The following PSIP1 variants were observed in gnomAD, a reference collection of about 807,000 sequenced individuals.
The protein encoded by PSIP1 is PC4 and SFRS1-interacting protein.
Under a neutral mutation model 74.7 loss-of-function variants are expected in PSIP1, and 19 were observed. The observed-to-expected ratio is 0.25, with a 90% CI of 0.18 to 0.37. PSIP1 has a LOEUF of 0.37. PSIP1 is among the 10% of genes least tolerant of loss of function. The pLI is 1.00. For missense variants in PSIP1, 601 were observed against 614.3 expected (o/e 0.98, Z 0.23); for synonymous variants, 222 against 195.3 (o/e 1.14, Z -1.14).
intron 4 of PSIP1, among the ~76,000 whole-genome samples, chr9:15,488,889 C>G (rs200383460): frequency 6.6e-6 from 1 of 151,778 alleles, no homozygotes; most frequent in African/African-American, 2.4e-5. Context: ...GGTGTGGTGG[C>G]GGGCACCTGT....
intron 8 of PSIP1, 102 bp downstream of exon 8, chr9:15,478,371 TAACA>T (rs1288241694): frequency 1.1e-4 from 99 of 935,104 alleles, no homozygotes; most frequent in Admixed American, 2.5e-4. Context: ...ATCAAAATAA[TAACA>T]AACATCCTGT....
intron 5 of PSIP1, among the ~76,000 whole-genome samples, chr9:15,486,447 G>A (rs920794158): frequency 1.3e-5 from 2 of 152,136 alleles, no homozygotes; most frequent in African/African-American, 4.8e-5. Flanking sequence ...GGCTAAATGA[G>A]TCATCTTTAC....
At chr9:15,505,079 C>G (rs567406603) in intron 3 of PSIP1, 1 of 151,578 alleles carries the variant, frequency 6.6e-6, no homozygotes, top group Non-Finnish European at 1.5e-5. Flanking sequence ...GCTGGGACCA[C>G]ATGTGTGTGC....
intron 3 of PSIP1, among the ~76,000 whole-genome samples, chr9:15,503,343 G>A (rs2037431596): frequency 6.6e-6 from 1 of 150,878 alleles, no homozygotes; most frequent in Non-Finnish European, 1.5e-5. Flanking sequence ...CTCCAGCCTG[G>A]GCAACAGAGG....
At position 15,464,541 on chromosome 9, in the gene PSIP1, GAATCTAGAA is replaced by G. The variant is rs1313245831; in HGVS notation, c.*970_*978del. 5.0e-6 allele frequency: 1 copy of G among 199,990 alleles called. No individual in the cohort carries two copies. Among genetic ancestry groups the G allele is most frequent in the Non-Finnish European group, 1.0e-5 (1 of 97,332 alleles). 12.4% of individuals were successfully genotyped at this position (199,990 alleles called of 1,614,324 possible). On this transcript the variant is annotated 3_prime_UTR_variant, in exon 16 of 16. Coordinates refer to ENST00000380733, the MANE Select transcript of PSIP1 (RefSeq NM_033222.5). ...GGAACAACTAGTGTTTGTATTTTTGGAATCTAGAAAATAAAAACAATATAGCCATGATTT... is the reference window on the plus strand; with the variant it reads ...GGAACAACTAGTGTTTGTATTTTTGGAATAAAAACAATATAGCCATGATTT...
At chr9:15,472,266 G>A (rs1002245796) in intron 10 of PSIP1, 10 of 999,434 alleles carry the variant, frequency 1.0e-5, no homozygotes, top group South Asian at 9.2e-5. Flanking sequence ...ATGAATAAGG[G>A]CATTTCCTGC....
In PSIP1 at chr9:15,465,114, T is replaced by A; in HGVS notation, c.*406A>T. 1 of 232,156 alleles carries A rather than the reference T, an allele frequency of 4.3e-6. No homozygotes were observed. The highest frequency in any genetic ancestry group is 8.5e-6 in the Non-Finnish European group (1 of 117,592). 14.4% of individuals were successfully genotyped at this position (232,156 alleles called of 1,614,324 possible). On this transcript the variant is annotated 3_prime_UTR_variant, in exon 16 of 16. Coordinates refer to ENST00000380733, the MANE Select transcript of PSIP1 (RefSeq NM_033222.5). ...CACAAACAGTGAAAAGACAGTCTGG[T>A]AAATCCAAGGTTTGTAAAAACTATG...
Position 15,468,123 on chromosome 9 carries a change from T to TA in PSIP1, c.1420+506dup, listed in dbSNP as rs34755757. On this transcript the variant is annotated intron_variant, in intron 14 of 15. Coordinates refer to ENST00000380733, the MANE Select transcript of PSIP1 (RefSeq NM_033222.5). ...ACAACAAGAGCGAAACTCCATCTTT[T>TA]AAAAAAAAAAAAAAAAAAGGACATG... is the stretch of plus-strand genomic sequence containing the variant. Among the ~76,000 whole-genome samples the TA allele has an allele frequency of 6.4e-3, 897 of 140,510 alleles. 10 individuals carry two copies. The highest frequency in any genetic ancestry group is 0.018 in the Middle Eastern group (5 of 276). 92.2% of individuals were successfully genotyped at this position (140,510 alleles called of 152,430 possible). A position where few individuals can be genotyped will look rare whatever the true frequency, so the allele number is the denominator to read the frequency against.
chr9:15,506,769 C>T, intron 2 of PSIP1, 132 bp from the exon 3 acceptor site: 4 of 614,672 alleles, frequency 6.5e-6, no homozygotes, highest in South Asian at 6.6e-5. Context: ...CCATAATCTC[C>T]TATCCCCAAA....
intron 3 of PSIP1, among the ~76,000 whole-genome samples, chr9:15,501,867 A>AT (rs1188842040): frequency 1.1e-4 from 16 of 144,432 alleles, no homozygotes; most frequent in East Asian, 4.2e-4. Context: ...ATATATATAT[A>AT]AAACGCACAC....
At position 15,510,821 on chromosome 9, in the gene PSIP1, C is replaced by G. The variant is rs2037837925; in HGVS notation, c.-146G>C. On this transcript the variant is annotated 5_prime_UTR_variant, in exon 1 of 16. Coordinates refer to ENST00000380733, the MANE Select transcript of PSIP1 (RefSeq NM_033222.5). ...GAGTCCCCGTCGCCCGCTCACCTGC[C>G]GGGGCCGCGGGCGCCGACGCTGCGG... The G allele has an allele frequency of 6.6e-6, 1 of 151,956 alleles. No individual in the cohort carries two copies. Among genetic ancestry groups the G allele is most frequent in the Non-Finnish European group, 1.5e-5 (1 of 67,996 alleles). 9.4% of individuals were successfully genotyped at this position (151,956 alleles called of 1,614,324 possible). A position where few individuals can be genotyped will look rare whatever the true frequency, so the allele number is the denominator to read the frequency against.
At chr9:15,494,331 C>G (rs2036972690) in intron 3 of PSIP1, among the ~76,000 whole-genome samples, 1 of 151,940 alleles carries the variant, frequency 6.6e-6, no homozygotes. Context: ...CTTGGGAGGC[C>G]TAGCAGGGCA....
At position 15,473,917 on chromosome 9, in the gene PSIP1, A is replaced by AC. The variant is rs2035955812; in HGVS notation, c.858+91_858+92insG. ...CTCCATCTCAAACAAAAAAAAAACA[A>AC]AAAAAAAAACAAAAAAAAAACAAAG... On this transcript the variant is annotated intron_variant, in intron 9 of 15. Coordinates refer to ENST00000380733, the MANE Select transcript of PSIP1 (RefSeq NM_033222.5). The AC allele has an allele frequency of 1.1e-5, 9 of 848,514 alleles. No homozygotes were observed. The African/African-American group carries it at 1.6e-4, about 16-fold the overall frequency. The allele number at this position is 848,514 out of a possible 1,614,324, so 52.6% of individuals were successfully genotyped here.
chr9:15,469,901 T>C, intron 11 of PSIP1, 37 bp downstream of exon 11: 1 of 1,537,468 alleles, frequency 6.5e-7, no homozygotes, highest in Non-Finnish European at 8.9e-7. Context: ...CTTTTCCATG[T>C]ATAATTTTAT....
chr9:15,484,303 A>ATAT (rs552162974), intron 6 of PSIP1, among the ~76,000 whole-genome samples: 91 of 150,912 alleles, frequency 6.0e-4, no homozygotes, highest in African/African-American at 2.1e-3. Context: ...CAAAAAAAAA[A>ATAT]ATATATATAT....
intron 8 of PSIP1, among the ~76,000 whole-genome samples, chr9:15,478,151 A>C (rs1275807142): frequency 1.3e-5 from 2 of 151,070 alleles, no homozygotes; most frequent in African/African-American, 4.9e-5. Flanking sequence ...AAAAAAAAAA[A>C]ATTTGTGACA....
rs139638794 is a variant in PSIP1, at chr9:15,481,847, C to G, written c.457-2160G>C. On this transcript the variant is annotated intron_variant, in intron 6 of 15. Coordinates refer to ENST00000380733, the MANE Select transcript of PSIP1 (RefSeq NM_033222.5). ...ACTATTATGGCAAAATCATGCAAGT[C>G]AGAACCATTCCTCATGAAAATAAAA... 9.9e-5 allele frequency among the ~76,000 whole-genome samples: 15 copies of G among 152,210 alleles called. No individual in the cohort carries two copies. In the East Asian group the frequency reaches 2.9e-3, roughly 29 times the overall value.
intron 3 of PSIP1, among the ~76,000 whole-genome samples, chr9:15,500,554 C>G (rs554006177): frequency 6.6e-6 from 1 of 152,112 alleles, no homozygotes; most frequent in Non-Finnish European, 1.5e-5. Context: ...CACACCAATA[C>G]GTGCAGCTAT....
In PSIP1 at chr9:15,479,746, T is replaced by C. The variant is rs567877040; in HGVS notation, c.457-59A>G. 7 of 1,348,114 alleles carry C rather than the reference T, an allele frequency of 5.2e-6. No individual in the cohort carries two copies. The East Asian group carries it at 1.6e-4, about 31-fold the overall frequency. 83.5% of individuals were successfully genotyped at this position (1,348,114 alleles called of 1,614,324 possible). ...AAATAGTAGGCACTCAAAGTTTAATTCGATGGCAAAAATATGCCAGTCTAT... is the reference window on the plus strand; with the variant it reads ...AAATAGTAGGCACTCAAAGTTTAATCCGATGGCAAAAATATGCCAGTCTAT... On this transcript the variant is annotated intron_variant, in intron 6 of 15. Coordinates refer to ENST00000380733, the MANE Select transcript of PSIP1 (RefSeq NM_033222.5).
Sources: allele counts gnomAD v4.1 joint callset (sites outside exome capture counted in the v4.1 genomes callset), GRCh38; gene constraint gnomAD v4.1.1; transcripts MANE v1.5; gene names NCBI Gene and HGNC (gene_info 2026-07-23, HGNC 2026-07-21).